The following MTMR10 variants were observed in gnomAD, a reference collection of about 807,000 sequenced individuals.
MTMR10 encodes myotubularin-related protein 10.
A neutral mutation model predicts 88.1 loss-of-function variants in MTMR10; 56 were observed. The ratio of observed to expected loss-of-function variants is 0.64; its 90% CI spans 0.51 to 0.79. The LOEUF (loss-of-function observed/expected upper bound fraction) is 0.79. Among genes scored for constraint, MTMR10 ranks in the 30% least tolerant of loss-of-function variants. The pLI, the probability that MTMR10 is intolerant of heterozygous loss-of-function variation, is 0.00. For synonymous variants in MTMR10, 380 were observed against 340.9 expected (o/e 1.11, Z -1.26); for missense variants, 883 against 924.7 (o/e 0.95, Z 0.58).
downstream of MTMR10, among the ~76,000 whole-genome samples, chr15:30,938,745 A>G (rs982769247): frequency 3.9e-5 from 6 of 152,182 alleles, no homozygotes; most frequent in Admixed American, 3.3e-4. Context: ...TTAGGGCATG[A>G]TCTATCAATA....
At chr15:30,942,831 G>A in intron 15 of MTMR10, 59 bp downstream of exon 15, 1 of 1,466,242 alleles carries the variant, frequency 6.8e-7, no homozygotes, top group Non-Finnish European at 9.2e-7. Flanking sequence ...TCTCTGTTCT[G>A]AAAAAGAGGT....
the MTMR10 span, among the ~76,000 whole-genome samples, chr15:30,919,687 T>TC: frequency 7.5e-6 from 1 of 133,276 alleles, no homozygotes; most frequent in Non-Finnish European, 1.5e-5. Context: ...AGACTCTGTC[T>TC]CGGGGAAAAA....
Position 30,942,936 on chromosome 15 carries a change from G to A in MTMR10, c.1685C>T (p.Thr562Ile), listed in dbSNP as rs749227520. ...CACGGAGCCATTCTGTATACAAGGT[G>A]TGCTCTTTCCAATGTAGAAGGGGTT... ...FHNPFYIGKSTPCIQNGSVKS... is the reference protein window; with the variant it reads ...FHNPFYIGKSIPCIQNGSVKS... The change falls in exon 15 of 16, where the codon ACA (threonine) becomes ATA (isoleucine). Residue 562 changes from threonine (T) to isoleucine (I), a missense_variant. Coordinates refer to ENST00000435680, the MANE Select transcript of MTMR10 (RefSeq NM_017762.3). 9 of 1,567,358 alleles carry A rather than the reference G, an allele frequency of 5.7e-6. No homozygotes were observed. In the Admixed American group the frequency reaches 1.7e-4, roughly 29 times the overall value.
chr15:30,949,888 A>G (rs2063219435), intron 12 of MTMR10: 2 of 152,260 alleles, frequency 1.3e-5, no homozygotes, highest in African/African-American at 4.8e-5. Flanking sequence ...GTATGATTCC[A>G]TTTATATGAA....
At chr15:30,987,805 G>A (rs1354002784) in intron 2 of MTMR10, among the ~76,000 whole-genome samples, 2 of 151,626 alleles carry the variant, frequency 1.3e-5, no homozygotes, top group African/African-American at 2.4e-5. Context: ...TAGGGATGAC[G>A]CCGGGAATTT....
In MTMR10 at chr15:30,991,595, G is replaced by A. The variant is rs116120678; in HGVS notation, c.-89C>T. ...GTAAAGCTCTCAGTGCGGCCGCCCAGGCCCTTTCTGCGGCCAGCCGAGCCG... is the reference window on the plus strand; with the variant it reads ...GTAAAGCTCTCAGTGCGGCCGCCCAAGCCCTTTCTGCGGCCAGCCGAGCCG... On this transcript the variant is annotated 5_prime_UTR_variant, in exon 1 of 16. Coordinates refer to ENST00000435680, the MANE Select transcript of MTMR10 (RefSeq NM_017762.3). The A allele has an allele frequency of 2.9e-3, 4,182 of 1,437,208 alleles. 111 individuals carry two copies. In the African/African-American group the frequency reaches 0.054, roughly 19 times the overall value. The allele number at this position is 1,437,208 out of a possible 1,614,324, so 89.0% of individuals were successfully genotyped here.
Position 30,939,312 on chromosome 15 carries a change from C to T in MTMR10, c.*2158G>A. On this transcript the variant is annotated 3_prime_UTR_variant, in exon 16 of 16. Coordinates refer to ENST00000435680, the MANE Select transcript of MTMR10 (RefSeq NM_017762.3). ...ACCCAGTGCATCAGCATCTGTGCGG[C>T]ATTCCCTCAGCACGGGCTCTGCTGG... 1 of 985,490 alleles carries T rather than the reference C, an allele frequency of 1.0e-6. No homozygotes were observed. The highest frequency in any genetic ancestry group is 1.2e-6 in the Non-Finnish European group (1 of 829,960). 61.0% of individuals were successfully genotyped at this position (985,490 alleles called of 1,614,324 possible).
chr15:30,976,039 C>T (rs942191653), intron 3 of MTMR10, among the ~76,000 whole-genome samples: 3 of 150,414 alleles, frequency 2.0e-5, no homozygotes, highest in Admixed American at 1.3e-4. Context: ...ATTTTTAAAT[C>T]GATACTATTC....
intron 10 of MTMR10, 143 bp from the exon 11 acceptor site, chr15:30,953,774 G>A (rs1391390290): frequency 5.1e-6 from 3 of 590,862 alleles, no homozygotes; most frequent in Non-Finnish European, 8.9e-6. Context: ...CATGGAATAA[G>A]CATTTAAGAA....
chr15:30,990,697 C>G, intron 2 of MTMR10, 80 bp downstream of exon 2: 1 of 1,197,304 alleles, frequency 8.4e-7, no homozygotes, highest in Non-Finnish European at 1.2e-6. Flanking sequence ...GGAAGTTAAC[C>G]ACATGATACT....
chr15:30,944,892 G>A (rs2063147318), intron 14 of MTMR10, among the ~76,000 whole-genome samples: 1 of 151,912 alleles, frequency 6.6e-6, no homozygotes, highest in African/African-American at 2.4e-5. Flanking sequence ...TGCGCCTGCA[G>A]TCCTAGCTAC....
intron 7 of MTMR10, among the ~76,000 whole-genome samples, chr15:30,959,514 TC>T (rs2063372710): frequency 6.6e-6 from 1 of 152,198 alleles, no homozygotes; most frequent in South Asian, 2.1e-4. Flanking sequence ...TCTTCTTAAG[TC>T]CCTCTTCTAC....
In MTMR10 at chr15:30,976,883, C is replaced by T; in HGVS notation, c.194G>A (p.Trp65Ter). 6.2e-7 allele frequency: 1 copy of T among 1,613,848 alleles called. No individual in the cohort carries two copies. The highest frequency in any genetic ancestry group is 8.5e-7 in the Non-Finnish European group (1 of 1,179,830). ...GAAGTTACTGCATATCAGCTTTCCC[C>T]ACAAATCGTACTGGCTTGTGTCTGT... Reference protein sequence around the residue: ...IATDTSQYDLWGKLICSNFKI... With the variant: ...IATDTSQYDL The change falls in exon 3 of 16, where the codon TGG becomes TAG. Residue 65 changes from tryptophan (W) to a stop codon, truncating the protein, a stop_gained. Transcript: ENST00000435680. LOFTEE classifies it high-confidence loss of function.
chr15:30,986,926 GAGTC>G (rs1284686899), intron 2 of MTMR10, among the ~76,000 whole-genome samples: 1 of 152,252 alleles, frequency 6.6e-6, no homozygotes, highest in African/African-American at 2.4e-5. Context: ...AAACAGGACA[GAGTC>G]TGGCATTACA....
At chr15:30,990,626 C>T (rs547021334) in intron 2 of MTMR10, 151 bp downstream of exon 2, 21 of 670,704 alleles carry the variant, frequency 3.1e-5, no homozygotes, top group Non-Finnish European at 5.3e-5. Context: ...ACATTCTTGA[C>T]AGTTCCTTTT....
intron 12 of MTMR10, 35 bp from the exon 13 acceptor site, chr15:30,948,506 T>C (rs747645504): frequency 3.9e-6 from 6 of 1,555,536 alleles, no homozygotes; most frequent in African/African-American, 1.4e-5. Context: ...GATTACAACA[T>C]AGAAAAATGC....
In MTMR10 at chr15:30,974,329, G is replaced by A. The variant is rs199855133; in HGVS notation, c.459C>T (p.Pro153=). Residue 153 remains proline, a synonymous_variant, in exon 5 of 16, where the codon CCC becomes CCT. Coordinates refer to ENST00000435680, the MANE Select transcript of MTMR10 (RefSeq NM_017762.3). ...IVRFRFDESG[P]ESAKKVCLAI... ...ACAGTATTACCTTTTTAGCACTTTCGGGACCTGATTCATCAAAGCGAAATC... is the reference window on the plus strand; with the variant it reads ...ACAGTATTACCTTTTTAGCACTTTCAGGACCTGATTCATCAAAGCGAAATC... 71 of 1,600,342 alleles carry A rather than the reference G, an allele frequency of 4.4e-5. No homozygotes were observed. In the East Asian group the frequency reaches 7.4e-4, roughly 17 times the overall value.
rs1566939412 is a variant in MTMR10 at position 30,939,484 on chromosome 15, G to A, written c.*1986C>T. The A allele has an allele frequency of 1.0e-6, 1 of 984,936 alleles. No individual in the cohort carries two copies. Among genetic ancestry groups the A allele is most frequent in the Non-Finnish European group, 1.2e-6 (1 of 829,638 alleles). The allele number at this position is 984,936 out of a possible 1,614,324, so 61.0% of individuals were successfully genotyped here. ...CTGTCATAGTTGTTTTTCATATTAT[G>A]CACAATAAACTGTAGCACAATAATC... On this transcript the variant is annotated 3_prime_UTR_variant, in exon 16 of 16. Coordinates refer to ENST00000435680, the MANE Select transcript of MTMR10 (RefSeq NM_017762.3).
chr15:30,967,293 G>A (rs908802571), intron 6 of MTMR10, among the ~76,000 whole-genome samples: 4 of 152,090 alleles, frequency 2.6e-5, no homozygotes, highest in Admixed American at 1.3e-4. Flanking sequence ...ACATTTGTAC[G>A]AAACAGAATG....
Sources: allele counts gnomAD v4.1 joint callset (sites outside exome capture counted in the v4.1 genomes callset), GRCh38; gene constraint gnomAD v4.1.1; transcripts MANE v1.5; gene names NCBI Gene and HGNC (gene_info 2026-07-23, HGNC 2026-07-21).